LUZP2: variants seen among roughly 807,000 people sequenced by gnomAD.
The protein encoded by LUZP2 is leucine zipper protein 2.
A neutral mutation model predicts 51.6 loss-of-function variants in LUZP2; 52 were observed. The observed-to-expected ratio is 1.01, with a 90% confidence interval of 0.81 to 1.27. LUZP2 has a LOEUF of 1.27. Ranked by LOEUF, LUZP2 falls within the 50% of genes most tolerant of loss-of-function variation. The pLI, the probability that LUZP2 is intolerant of heterozygous loss-of-function variation, is 0.00. For missense variants in LUZP2, 436 were observed against 395.4 expected (o/e 1.10, Z -0.87); for synonymous variants, 154 against 137.3 (o/e 1.12, Z -0.85).
intron 5 of LUZP2, among the ~76,000 whole-genome samples, chr11:24,780,576 G>C (rs1849061686): frequency 6.6e-6 from 1 of 152,124 alleles, no homozygotes; most frequent in African/African-American, 2.4e-5. Flanking sequence ...TGCCAATCAT[G>C]ATGAAGGTGA....
chr11:25,030,766 T>C (rs936313407), intron 9 of LUZP2, among the ~76,000 whole-genome samples: 1 of 149,076 alleles, frequency 6.7e-6, no homozygotes, highest in African/African-American at 2.4e-5. Flanking sequence ...TTAAATTTTT[T>C]CATTTACCTA....
rs75751815 is a variant in LUZP2, at chr11:25,038,020, G to A, written c.766-12018G>A. On this transcript the variant is annotated intron_variant, in intron 9 of 11. Coordinates refer to ENST00000336930, the MANE Select transcript of LUZP2 (RefSeq NM_001009909.4). The stretch of plus-strand genomic sequence containing the variant: ...TATGTCAACCTCCCTAGCAAAATTA[G>A]TGAAATTTTCACGTATTGAGAGAGA... 6.8e-3 allele frequency among the ~76,000 whole-genome samples: 1,030 copies of A among 151,980 alleles called. 34 individuals are homozygous for A. In the East Asian group the frequency reaches 0.099, roughly 15 times the overall value.
intron 9 of LUZP2, among the ~76,000 whole-genome samples, chr11:25,009,550 C>A (rs1224432257): frequency 1.3e-5 from 2 of 151,912 alleles, no homozygotes; most frequent in Non-Finnish European, 2.9e-5. Flanking sequence ...ATCTTTATAG[C>A]GTTTCATTTT....
At chr11:24,721,072 G>A (rs10834451) in intron 1 of LUZP2, among the ~76,000 whole-genome samples, 54,593 of 152,014 alleles carry the variant, frequency 0.36, 10,201 homozygotes, top group Non-Finnish European at 0.41. Flanking sequence ...ACAAGAAGCT[G>A]AGAAAAATAA....
At chr11:24,897,465 A>G (rs937495554) in intron 5 of LUZP2, among the ~76,000 whole-genome samples, 1 of 152,090 alleles carries the variant, frequency 6.6e-6, no homozygotes, top group African/African-American at 2.4e-5. Flanking sequence ...CCATGAACCC[A>G]CCGGGAGGAA....
chr11:24,902,585 T>C (rs865877160), intron 5 of LUZP2, among the ~76,000 whole-genome samples: 57 of 152,240 alleles, frequency 3.7e-4, no homozygotes, highest in African/African-American at 1.1e-3. Context: ...CTCTATAAAC[T>C]TGACAGACAG....
intron 9 of LUZP2, among the ~76,000 whole-genome samples, chr11:25,000,075 C>CATTTTACAGAGTGCTGATTGGTCT (rs372201290): frequency 1.3e-5 from 2 of 152,036 alleles, no homozygotes; most frequent in African/African-American, 4.8e-5. Flanking sequence ...CTGATTGGTC[C>CATTTTACAGAGTGCTGATTGGTCT]GTTTGTACTG....
chr11:24,598,999 G>A (rs1302236860), intron 1 of LUZP2, among the ~76,000 whole-genome samples: 2 of 152,166 alleles, frequency 1.3e-5, no homozygotes, highest in South Asian at 2.1e-4. Context: ...CAGTACATGT[G>A]GGAACCTTTT....
At chr11:24,778,633 A>G (rs1849007438) in intron 5 of LUZP2, among the ~76,000 whole-genome samples, 1 of 152,126 alleles carries the variant, frequency 6.6e-6, no homozygotes, top group South Asian at 2.1e-4. Flanking sequence ...ACAAACAATC[A>G]ATAAAGAAGA....
chr11:24,638,588 G>A (rs1855180934), intron 1 of LUZP2, among the ~76,000 whole-genome samples: 1 of 151,550 alleles, frequency 6.6e-6, no homozygotes, highest in Non-Finnish European at 1.5e-5. Flanking sequence ...ATAATTTATG[G>A]CCTTAAAAGA....
intron 5 of LUZP2, among the ~76,000 whole-genome samples, chr11:24,834,210 G>A (rs908097919): frequency 2.0e-5 from 3 of 152,086 alleles, no homozygotes; most frequent in Non-Finnish European, 4.4e-5. Context: ...AGCACCACAT[G>A]CATTAGGTAT....
intron 1 of LUZP2, among the ~76,000 whole-genome samples, chr11:24,527,561 TCTCTCTCACACA>T (rs1159015950): frequency 8.2e-6 from 1 of 122,484 alleles, no homozygotes; most frequent in African/African-American, 3.4e-5. Context: ...TCTCTCTCTC[TCTCTCTCACACA>T]CACACACACA....
At chr11:25,073,430 C>T (rs1809016) in intron 10 of LUZP2, among the ~76,000 whole-genome samples, 80,000 of 151,682 alleles carry the variant, frequency 0.53, 21,739 homozygotes, top group African/African-American at 0.6. Context: ...GGAGAATCTC[C>T]GGAACACATT....
At chr11:25,005,695 G>A (rs771339031) in intron 9 of LUZP2, among the ~76,000 whole-genome samples, 16 of 152,254 alleles carry the variant, frequency 1.1e-4, no homozygotes, top group Non-Finnish European at 1.6e-4. Flanking sequence ...GCTCACCGAC[G>A]CAGCAGCAGA....
chr11:24,828,950 C>G (rs1321645793), intron 5 of LUZP2, among the ~76,000 whole-genome samples: 1 of 152,090 alleles, frequency 6.6e-6, no homozygotes, highest in Non-Finnish European at 1.5e-5. Flanking sequence ...ACCCTGGGTT[C>G]CAGCTTAAAA....
chr11:24,563,822 ATCT>A (rs1381301341), intron 1 of LUZP2, among the ~76,000 whole-genome samples: 4 of 152,140 alleles, frequency 2.6e-5, no homozygotes, highest in Admixed American at 2.6e-4. Flanking sequence ...TTCATTTTAT[ATCT>A]TCATTTTATT....
chr11:25,069,867 T>C (rs555591154), intron 10 of LUZP2, among the ~76,000 whole-genome samples: 9 of 151,892 alleles, frequency 5.9e-5, no homozygotes, highest in Admixed American at 3.3e-4. Flanking sequence ...GGAACTCTTA[T>C]GTGAAACATC....
chr11:24,925,281 A>G (rs1854191143), intron 7 of LUZP2, among the ~76,000 whole-genome samples: 1 of 151,866 alleles, frequency 6.6e-6, no homozygotes, highest in South Asian at 2.1e-4. Flanking sequence ...GGCATGTCTG[A>G]CCCCCATCTT....
intron 7 of LUZP2, among the ~76,000 whole-genome samples, chr11:24,968,996 G>T (rs537895590): frequency 6.6e-6 from 1 of 152,276 alleles, no homozygotes; most frequent in South Asian, 2.1e-4. Context: ...CAGATAATTT[G>T]AATCCTTTTT....
Sources: allele counts gnomAD v4.1 joint callset (sites outside exome capture counted in the v4.1 genomes callset), GRCh38; gene constraint gnomAD v4.1.1; transcripts MANE v1.5; gene names NCBI Gene and HGNC (gene_info 2026-07-23, HGNC 2026-07-21).